The following DLG4 variants were observed in gnomAD, a reference collection of about 807,000 sequenced individuals.
The protein encoded by DLG4 is disks large homolog 4.
Under a neutral mutation model 93.8 loss-of-function variants are expected in DLG4, and 7 were observed. The observed-to-expected ratio is 0.07, with a 90% confidence interval of 0.04 to 0.14. The LOEUF (loss-of-function observed/expected upper bound fraction) is 0.14, where lower values mean the gene tolerates loss of function less well. Ranked by LOEUF, DLG4 falls within the 10% of genes least tolerant of loss-of-function variation. The probability of loss-of-function intolerance (pLI) is 1.00; values close to 1 mark genes in which losing one functional copy is unlikely to be tolerated. For missense variants in DLG4, 545 were observed against 992.9 expected (o/e 0.55, Z 6.06); for synonymous variants, 341 against 387.6 (o/e 0.88, Z 1.41).
intron 1 of DLG4, chr17:7,211,750 C>T (rs1207628408): frequency 8.7e-6 from 1 of 115,302 alleles, no homozygotes; most frequent in Non-Finnish European, 1.7e-5. Context: ...TATCAAGGGT[C>T]CCGGGGGTTG....
At chr17:7,206,189 A>G (rs2070456119) in intron 2 of DLG4, among the ~76,000 whole-genome samples, 1 of 151,928 alleles carries the variant, frequency 6.6e-6, no homozygotes, top group Non-Finnish European at 1.5e-5. Flanking sequence ...TCCTGGGCTC[A>G]AGCAGTCCTC....
rs780128909 is a variant in DLG4 at position 7,194,557 on chromosome 17, C to A, written c.1302-62G>T. On this transcript the variant is annotated intron_variant, in intron 11 of 19. Coordinates refer to ENST00000399506, the MANE Select transcript of DLG4 (RefSeq NM_001321075.3). This position sits in a 1 kb window ranked among gnomAD's most constrained non-coding sequence, Gnocchi z 4.4. ...AGGACTCCAGGAAGGATGCCCCAGT[C>A]ACCCAAAGACCCGGCCCAGAGGTCT... The A allele has an allele frequency of 1.3e-6, 2 of 1,534,078 alleles. No homozygotes were observed. The highest frequency in any genetic ancestry group is 2.4e-5 in the South Asian group (2 of 82,130).
At position 7,191,166 on chromosome 17, in the gene DLG4, G is replaced by T; in HGVS notation, c.2068+101C>A. ...TGAGCCACCATGCCGCGCCCACAGG[G>T]GCACCTCTTTCTAAGCCATCCACTG... On this transcript the variant is annotated intron_variant, in intron 19 of 19. Transcript: ENST00000399506. This position sits in a 1 kb window ranked among gnomAD's most constrained non-coding sequence, Gnocchi z 6.6. 8.7e-7 allele frequency: 1 copy of T among 1,144,418 alleles called. No homozygotes were observed. Among genetic ancestry groups the T allele is most frequent in the Non-Finnish European group, 1.3e-6 (1 of 775,154 alleles). The allele number at this position is 1,144,418 out of a possible 1,614,324, so 70.9% of individuals were successfully genotyped here.
chr17:7,191,597 C>T lies in DLG4; in HGVS notation c.1977-239G>A, dbSNP rs1045305416. 6 of 596,046 alleles carry T rather than the reference C, an allele frequency of 1.0e-5. No homozygotes were observed. Among genetic ancestry groups the T allele is most frequent in the Non-Finnish European group, 1.8e-5 (6 of 335,202 alleles). The allele number at this position is 596,046 out of a possible 1,614,324, so 36.9% of individuals were successfully genotyped here. ...CATCTACGGAGCTTCATCCTTCCAGCCTTCAGCCCCAGAGATGGGATTCGG... is the reference window on the plus strand; with the variant it reads ...CATCTACGGAGCTTCATCCTTCCAGTCTTCAGCCCCAGAGATGGGATTCGG... On this transcript the variant is annotated intron_variant, in intron 18 of 19. Transcript: ENST00000399506. The surrounding 1 kb of genome is among the most constrained non-coding windows in gnomAD (Gnocchi z 6.6).
chr17:7,194,609 G>A lies in DLG4; in HGVS notation c.1302-114C>T. On this transcript the variant is annotated intron_variant, in intron 11 of 19. Transcript: ENST00000399506. The surrounding 1 kb of genome is among the most constrained non-coding windows in gnomAD (Gnocchi z 4.4). ...CAGATGGCACTCCCATGGGAGCTAT[G>A]GATGCCGAGGAACCCAAAACTGTGT... The A allele has an allele frequency of 1.7e-6, 2 of 1,172,210 alleles. No individual in the cohort carries two copies. The highest frequency in any genetic ancestry group is 1.6e-5 in the South Asian group (1 of 64,006). 72.6% of individuals were successfully genotyped at this position (1,172,210 alleles called of 1,614,324 possible).
At chr17:7,211,248 C>A (rs1378048484) in intron 1 of DLG4, among the ~76,000 whole-genome samples, 2 of 150,640 alleles carry the variant, frequency 1.3e-5, no homozygotes, top group Non-Finnish European at 3.0e-5. Flanking sequence ...GAAAGGAGGA[C>A]CCCCCCCATC....
At chr17:7,217,789 G>T (rs2071001172), upstream of DLG4, 1 of 1,535,250 alleles carries the variant, frequency 6.5e-7, no homozygotes, top group Non-Finnish European at 8.7e-7. Flanking sequence ...GACCTGGCCA[G>T]CCACCAGCGA....
upstream of DLG4, chr17:7,219,528 G>A: frequency 9.4e-7 from 1 of 1,069,016 alleles, no homozygotes; most frequent in Non-Finnish European, 1.1e-6. Context: ...TGTGTTGGCC[G>A]AGATAGATTT....
intron 1 of DLG4, 128 bp downstream of exon 1, chr17:7,216,989 TA>T: frequency 1.1e-6 from 1 of 916,868 alleles, no homozygotes; most frequent in Non-Finnish European, 1.5e-6. Flanking sequence ...AAAACTAAAT[TA>T]AGACCCCCAA....
At chr17:7,210,173 TC>T (rs1271348435) in intron 1 of DLG4, among the ~76,000 whole-genome samples, 1 of 152,136 alleles carries the variant, frequency 6.6e-6, no homozygotes, top group Non-Finnish European at 1.5e-5. Flanking sequence ...CAATGGCCAA[TC>T]CTTGAGTAGG....
intron 1 of DLG4, among the ~76,000 whole-genome samples, chr17:7,214,123 G>A (rs1024311998): frequency 6.6e-6 from 1 of 152,196 alleles, no homozygotes; most frequent in Non-Finnish European, 1.5e-5. Context: ...GGAACACAGA[G>A]CTGAGGTAGG....
rs2069389083 is a variant in DLG4, at chr17:7,189,573, C to T, written c.*1135G>A. ...CCATGAACATGAATGAACGAAGTTT[C>T]CTCTCTATTTTCCTTTAAGGACTGT... On this transcript the variant is annotated 3_prime_UTR_variant, in exon 20 of 20. Transcript: ENST00000399506. Among the ~76,000 whole-genome samples, 1 of 152,144 alleles carries T rather than the reference C, an allele frequency of 6.6e-6. No homozygotes were observed. Among genetic ancestry groups the T allele is most frequent in the South Asian group, 2.1e-4 (1 of 4,826 alleles).
chr17:7,214,794 G>A (rs1178617217), intron 1 of DLG4, among the ~76,000 whole-genome samples: 1 of 152,254 alleles, frequency 6.6e-6, no homozygotes, highest in Non-Finnish European at 1.5e-5. Flanking sequence ...GCTCAGAGAC[G>A]AGAGATTCTG....
chr17:7,214,409 A>G (rs1353486385), intron 1 of DLG4, among the ~76,000 whole-genome samples: 1 of 150,162 alleles, frequency 6.7e-6, no homozygotes, highest in South Asian at 2.1e-4. Flanking sequence ...GACCCCACCC[A>G]CCTGCCCGGG....
chr17:7,187,547 C>CAATAATAATAAT lies in DLG4; in HGVS notation c.*3149_*3160dup, dbSNP rs61283875. Among the ~76,000 whole-genome samples the CAATAATAATAAT allele has an allele frequency of 8.2e-3, 1,199 of 145,846 alleles. 8 individuals carry two copies. Among genetic ancestry groups the CAATAATAATAAT allele is most frequent in the African/African-American group, 0.02 (787 of 39,640 alleles). On this transcript the variant is annotated 3_prime_UTR_variant, in exon 20 of 20. Coordinates refer to ENST00000399506, the MANE Select transcript of DLG4 (RefSeq NM_001321075.3). ...GGCAACAAGAGCGAAACTCTGTCTCCAATAATAATAATAATAATAATAATA... is the reference window on the plus strand; with the variant it reads ...GGCAACAAGAGCGAAACTCTGTCTCCAATAATAATAATAATAATAATAATAATAATAATAATA...
Position 7,208,168 on chromosome 17 carries a change from G to A in DLG4, c.96+6C>T, listed in dbSNP as rs769063541. 2 of 1,316,770 alleles carry A rather than the reference G, an allele frequency of 1.5e-6. No individual in the cohort carries two copies. The highest frequency in any genetic ancestry group is 2.8e-5 in the East Asian group (1 of 35,678). 81.6% of individuals were successfully genotyped at this position (1,316,770 alleles called of 1,614,324 possible). Reference sequence around the variant, plus strand: ...CCGCCACGTGCACCAGCTCGGGGGCGTTTACCTGGTTGGGGAGGTGGGCCG... The same window carrying A: ...CCGCCACGTGCACCAGCTCGGGGGCATTTACCTGGTTGGGGAGGTGGGCCG... On this transcript the variant is annotated splice_donor_region_variant and intron_variant, in intron 2 of 19. Coordinates refer to ENST00000399506, the MANE Select transcript of DLG4 (RefSeq NM_001321075.3). The surrounding 1 kb of genome is among the most constrained non-coding windows in gnomAD (Gnocchi z 5.4).
chr17:7,190,468 A>C lies in DLG4; in HGVS notation c.*240T>G. On this transcript the variant is annotated 3_prime_UTR_variant, in exon 20 of 20. Transcript: ENST00000399506. ...GGATCCTAAGGAGCAAGGGCTCGGA[A>C]CAAGGAGCCCAGCTCCCCCCCAGAC... The C allele has an allele frequency of 3.8e-6, 2 of 526,228 alleles. No homozygotes were observed. The highest frequency in any genetic ancestry group is 6.9e-6 in the Non-Finnish European group (2 of 291,226). The allele number at this position is 526,228 out of a possible 1,614,324, so 32.6% of individuals were successfully genotyped here.
rs2069496514 is a variant in DLG4, at chr17:7,191,530, G to A, written c.1977-172C>T. The A allele has an allele frequency of 3.1e-6, 2 of 637,330 alleles. No homozygotes were observed. Among genetic ancestry groups the A allele is most frequent in the Admixed American group, 5.2e-5 (2 of 38,162 alleles). 39.5% of individuals were successfully genotyped at this position (637,330 alleles called of 1,614,324 possible). On this transcript the variant is annotated intron_variant, in intron 18 of 19. Transcript: ENST00000399506. This position sits in a 1 kb window ranked among gnomAD's most constrained non-coding sequence, Gnocchi z 6.6. ...GATGAGAACCACCCCCCACCCCCCT[G>A]CCACCCGCAACCGCCCCAGCCAGGT...
chr17:7,203,641 G>GC lies in DLG4; in HGVS notation c.336-49dup. 6.2e-7 allele frequency: 1 copy of GC among 1,610,874 alleles called. No individual in the cohort carries two copies. The highest frequency in any genetic ancestry group is 1.3e-5 in the African/African-American group (1 of 75,006). ...GAGCCAAGAGCTTCCTGCTGCCCTG[G>GC]CCCTCCCTCTCCAGGGACCAAGCAA... is the stretch of plus-strand genomic sequence containing the variant. On this transcript the variant is annotated intron_variant, in intron 5 of 19. Coordinates refer to ENST00000399506, the MANE Select transcript of DLG4 (RefSeq NM_001321075.3). The surrounding 1 kb of genome is among the most constrained non-coding windows in gnomAD (Gnocchi z 7.2).
Sources: gnomAD v4.1 joint callset for allele counts (sites outside exome capture counted in the v4.1 genomes callset) on GRCh38, gnomAD v4.1.1 for gene constraint, Gnocchi (gnomAD v3.1) non-coding constraint, MANE v1.5 for transcripts, NCBI Gene and HGNC (gene_info 2026-07-23, HGNC 2026-07-21) for gene names.